Variants in GRM7 observed in about 807,000 individuals in gnomAD.
GRM7 encodes the protein glutamate metabotropic receptor 7, also known as metabotropic glutamate receptor 7.
In GRM7, 35 loss-of-function variants were observed where a neutral mutation model predicts 84.5. The observed-to-expected ratio is 0.41, with a 90% CI of 0.32 to 0.55. The LOEUF is 0.55. Ranked by LOEUF, GRM7 falls within the 20% of genes least tolerant of loss-of-function variation. The probability of loss-of-function intolerance (pLI) is 0.19; values close to 1 mark genes in which losing one functional copy is unlikely to be tolerated. For synonymous variants in GRM7, 487 were observed against 455.1 expected, an observed-to-expected ratio of 1.07 and a Z score of -0.89; for missense variants, 1,003 against 1,194.6, an observed-to-expected ratio of 0.84 and a Z score of 2.36.
chr3:7,402,769 G>A (rs712768), intron 4 of GRM7, among the ~76,000 whole-genome samples: 37,246 of 150,110 alleles, frequency 0.25, 5,191 homozygotes, highest in East Asian at 0.44. Flanking sequence ...TCATGCATTC[G>A]GGACACTGGT....
chr3:7,342,729 T>C (rs1405492185), intron 4 of GRM7, among the ~76,000 whole-genome samples: 1 of 152,186 alleles, frequency 6.6e-6, no homozygotes, highest in African/African-American at 2.4e-5. Context: ...TTCTAGGTGA[T>C]GCTGATTCGA....
chr3:7,309,912 CA>C (rs1700332097), intron 4 of GRM7, among the ~76,000 whole-genome samples: 2 of 152,122 alleles, frequency 1.3e-5, no homozygotes, highest in African/African-American at 4.8e-5. Flanking sequence ...GCTCCTGAGC[CA>C]AAACACTTCT....
chr3:7,651,062 A>G (rs987310347), intron 8 of GRM7, among the ~76,000 whole-genome samples: 2 of 152,196 alleles, frequency 1.3e-5, no homozygotes, highest in East Asian at 1.9e-4. Flanking sequence ...TATTCAACAC[A>G]TGAAGCTTAA....
chr3:7,457,852 C>T (rs998830178), intron 6 of GRM7, among the ~76,000 whole-genome samples: 2 of 152,150 alleles, frequency 1.3e-5, no homozygotes, highest in Non-Finnish European at 2.9e-5. Flanking sequence ...ACCGGTTAGC[C>T]AATATCAACT....
In GRM7 at chr3:7,579,336, C is replaced by T. The variant is rs761586385; in HGVS notation, c.2430C>T (p.Gly810=). ...VWLAFIPIFF[G]TAQSAEKLYI... ...TTGCCTTCATTCCAATTTTTTTTGG[C>T]ACCGCTCAATCAGCGGAAAAGGTAA... The change falls in exon 8 of 10, where the codon GGC becomes GGT. Residue 810 remains glycine, a synonymous_variant. Transcript: ENST00000357716. 4 of 1,561,630 alleles carry T rather than the reference C, an allele frequency of 2.6e-6. No individual in the cohort carries two copies. The East Asian group carries it at 9.1e-5, about 36-fold the overall frequency.
At chr3:7,129,064 G>A (rs1255531277) in intron 1 of GRM7, among the ~76,000 whole-genome samples, 2 of 152,182 alleles carry the variant, frequency 1.3e-5, no homozygotes, top group Non-Finnish European at 2.9e-5. Context: ...GAGTTGGTAT[G>A]TTATAAAGAC....
In GRM7 at chr3:7,507,175, G is replaced by C. The variant is rs532052938; in HGVS notation, c.1515+45453G>C. ...ATTGACTCTGGTTAATTTCAGAAAA[G>C]GGGATTAAATGGAATTTTCTCTTTT... is the stretch of plus-strand genomic sequence containing the variant. On this transcript the variant is annotated intron_variant, in intron 7 of 9. Coordinates refer to ENST00000357716, the MANE Select transcript of GRM7 (RefSeq NM_000844.4). Among the ~76,000 whole-genome samples the C allele has an allele frequency of 9.3e-4, 142 of 152,246 alleles. 1 individual carries two copies. Among genetic ancestry groups the C allele is most frequent in the Non-Finnish European group, 1.7e-3 (116 of 68,006 alleles).
chr3:7,334,927 A>G (rs1701345610), intron 4 of GRM7, among the ~76,000 whole-genome samples: 1 of 152,082 alleles, frequency 6.6e-6, no homozygotes, highest in Admixed American at 6.6e-5. Context: ...TTACTACTAG[A>G]CCTAAGAAAT....
intron 9 of GRM7, among the ~76,000 whole-genome samples, chr3:7,734,709 CT>C (rs1444583414): frequency 6.6e-6 from 1 of 152,166 alleles, no homozygotes; most frequent in African/African-American, 2.4e-5. Context: ...TGGAGAAAGT[CT>C]CCATTGTTTT....
chr3:6,970,775 C>T (rs971835477), intron 1 of GRM7, among the ~76,000 whole-genome samples: 10 of 152,074 alleles, frequency 6.6e-5, no homozygotes, highest in Non-Finnish European at 1.3e-4. Flanking sequence ...GTCAGGAGAT[C>T]GAGACCATCC....
chr3:7,273,128 A>G (rs566009442), intron 2 of GRM7, among the ~76,000 whole-genome samples: 4 of 152,164 alleles, frequency 2.6e-5, no homozygotes, highest in African/African-American at 7.2e-5. Flanking sequence ...AGTGTGTTAT[A>G]TGATATCCAT....
intron 1 of GRM7, among the ~76,000 whole-genome samples, chr3:6,981,232 C>T (rs1410006620): frequency 6.6e-6 from 1 of 152,134 alleles, no homozygotes. Context: ...TAGATATGCT[C>T]TTATAAAGAA....
intron 1 of GRM7, among the ~76,000 whole-genome samples, chr3:7,078,492 A>C (rs1359474908): frequency 6.6e-6 from 1 of 152,192 alleles, no homozygotes; most frequent in African/African-American, 2.4e-5. Context: ...CAAAGCACTT[A>C]TGTACTAGAA....
intron 1 of GRM7, among the ~76,000 whole-genome samples, chr3:6,945,005 G>A (rs1467882605): frequency 2.0e-5 from 3 of 151,802 alleles, no homozygotes; most frequent in Non-Finnish European, 4.4e-5. Context: ...TCTGATACTG[G>A]TAATTTGTGA....
At chr3:7,340,676 C>G (rs987672765) in intron 4 of GRM7, among the ~76,000 whole-genome samples, 3 of 152,148 alleles carry the variant, frequency 2.0e-5, no homozygotes, top group Non-Finnish European at 4.4e-5. Context: ...AGAAAGTGCC[C>G]TTGCCCTCAA....
chr3:7,098,608 G>A (rs1210616417), intron 1 of GRM7, among the ~76,000 whole-genome samples: 1 of 151,852 alleles, frequency 6.6e-6, no homozygotes, highest in Non-Finnish European at 1.5e-5. Context: ...AAACTTCAAG[G>A]TGAAAATATT....
At chr3:7,507,607 G>T (rs981475521) in intron 7 of GRM7, among the ~76,000 whole-genome samples, 6 of 152,144 alleles carry the variant, frequency 3.9e-5, no homozygotes, top group Admixed American at 3.9e-4. Context: ...TCCAATTTTA[G>T]AACAGGTATA....
At chr3:6,935,677 A>AAATATTATTATTATT (rs375035491) in intron 1 of GRM7, among the ~76,000 whole-genome samples, 223 of 142,444 alleles carry the variant, frequency 1.6e-3, no homozygotes, top group Non-Finnish European at 2.6e-3. Flanking sequence ...CTTATTTTTA[A>AAATATTATTATTATT]ATTATTATTA....
chr3:6,950,511 G>A (rs139219701), intron 1 of GRM7, among the ~76,000 whole-genome samples: 3,060 of 152,310 alleles, frequency 0.02, 118 homozygotes, highest in African/African-American at 0.07. Context: ...TCAGGGACCC[G>A]CTTGAGGAGC....
Sources: gnomAD v4.1 joint callset for allele counts (sites outside exome capture counted in the v4.1 genomes callset) on GRCh38, gnomAD v4.1.1 for gene constraint, MANE v1.5 for transcripts, NCBI Gene and HGNC (gene_info 2026-07-23, HGNC 2026-07-21) for gene names.